DLG2: variants seen among roughly 807,000 people sequenced by gnomAD.
DLG2 encodes the protein discs large MAGUK scaffold protein 2.
In DLG2, 45 loss-of-function variants were observed where a neutral mutation model predicts 132.5. The ratio of observed to expected loss-of-function variants is 0.34; its 90% CI spans 0.27 to 0.44. The LOEUF is 0.44. Among genes scored for constraint, DLG2 ranks in the 20% least tolerant of loss-of-function variants. The pLI is 1.00. For synonymous variants in DLG2, 424 were observed against 419.6 expected (o/e 1.01, Z -0.13); for missense variants, 1,045 against 1,196.9 (o/e 0.87, Z 1.87).
intron 21 of DLG2, among the ~76,000 whole-genome samples, chr11:83,528,205 T>C (rs980538505): frequency 3.3e-5 from 5 of 152,202 alleles, no homozygotes; most frequent in African/African-American, 1.2e-4. Flanking sequence ...TGTGTAGACA[T>C]AGACTTTGTA....
rs114040932 is a variant in DLG2, at chr11:84,881,257, A to C, written c.357+230404T>G. 1.6e-3 allele frequency among the ~76,000 whole-genome samples: 237 copies of C among 152,254 alleles called. 2 individuals are homozygous for C. The highest frequency in any genetic ancestry group is 5.5e-3 in the African/African-American group (229 of 41,566). Reference sequence around the variant, plus strand: ...TATAAGATTTGGTTTTGAAAATATTACAAGATGTAACTAATTCCATGTTCT... The same window carrying C: ...TATAAGATTTGGTTTTGAAAATATTCCAAGATGTAACTAATTCCATGTTCT... On this transcript the variant is annotated intron_variant, in intron 6 of 27. Coordinates refer to ENST00000376104, the MANE Select transcript of DLG2 (RefSeq NM_001142699.3).
At chr11:84,485,225 T>C (rs2099147789) in intron 7 of DLG2, among the ~76,000 whole-genome samples, 1 of 152,158 alleles carries the variant, frequency 6.6e-6, no homozygotes, top group Non-Finnish European at 1.5e-5. Flanking sequence ...TTACCCCTTC[T>C]CTATGGTACT....
chr11:84,928,256 C>G (rs1378733043), intron 6 of DLG2, among the ~76,000 whole-genome samples: 1 of 151,810 alleles, frequency 6.6e-6, no homozygotes, highest in Non-Finnish European at 1.5e-5. Flanking sequence ...GCTCTTGGGC[C>G]TTTGAGTAAA....
chr11:84,412,220 T>TTGAAACTCTACTATGCATGTTATA (rs1470098864), intron 7 of DLG2, among the ~76,000 whole-genome samples: 9 of 150,974 alleles, frequency 6.0e-5, no homozygotes, highest in African/African-American at 2.2e-4. Context: ...TTCATAAAAA[T>TTGAAACTCTACTATGCATGTTATA]GTTCATAAAA....
At chr11:85,051,431 T>C (rs2062878621) in intron 6 of DLG2, among the ~76,000 whole-genome samples, 3 of 152,180 alleles carry the variant, frequency 2.0e-5, no homozygotes, top group South Asian at 4.1e-4. Flanking sequence ...AAAATGTAAG[T>C]TCTTTCATTA....
At chr11:83,503,732 T>G (rs1047195000) in intron 21 of DLG2, among the ~76,000 whole-genome samples, 1 of 152,020 alleles carries the variant, frequency 6.6e-6, no homozygotes, top group African/African-American at 2.4e-5. Flanking sequence ...TGGGTCTGCC[T>G]TTCCCAGCCC....
intron 10 of DLG2, among the ~76,000 whole-genome samples, chr11:84,074,143 T>G (rs1486719763): frequency 6.6e-6 from 1 of 152,210 alleles, no homozygotes; most frequent in Non-Finnish European, 1.5e-5. Flanking sequence ...TTTGTTTTCT[T>G]ATTTATTATA....
At chr11:84,194,540 A>G (rs1237547754) in intron 8 of DLG2, among the ~76,000 whole-genome samples, 2 of 152,132 alleles carry the variant, frequency 1.3e-5, no homozygotes, top group African/African-American at 4.8e-5. Flanking sequence ...TTATTCCCTT[A>G]TCTGGCCCAC....
At chr11:83,588,992 A>G (rs1488004716) in intron 19 of DLG2, among the ~76,000 whole-genome samples, 3 of 147,156 alleles carry the variant, frequency 2.0e-5, no homozygotes, top group Non-Finnish European at 4.5e-5. Flanking sequence ...GGACTATGTG[A>G]AAAGACCAAA....
chr11:83,543,210 C>G (rs1328222914), intron 19 of DLG2, among the ~76,000 whole-genome samples: 1 of 152,130 alleles, frequency 6.6e-6, no homozygotes, highest in Non-Finnish European at 1.5e-5. Context: ...GAATCATTTT[C>G]ACCTTGACCA....
In DLG2 at chr11:83,620,607, C is replaced by T. The variant is rs117019389; in HGVS notation, c.1940+12604G>A. ...AAGGACAAAGTTAAAAAAATGCATT[C>T]CTCCTGTAATCCCAGCACTTTGGAA... On this transcript the variant is annotated intron_variant, in intron 19 of 27. Transcript: ENST00000376104. 2.5e-3 allele frequency among the ~76,000 whole-genome samples: 373 copies of T among 152,138 alleles called. 8 individuals carry two copies. The East Asian group carries it at 0.062, about 25-fold the overall frequency.
intron 7 of DLG2, among the ~76,000 whole-genome samples, chr11:84,254,145 T>C (rs2097428796): frequency 6.6e-6 from 1 of 152,210 alleles, no homozygotes; most frequent in African/African-American, 2.4e-5. Flanking sequence ...GAATATCACA[T>C]GTAATTCTTG....
At chr11:83,663,295 T>C (rs536097629) in intron 18 of DLG2, among the ~76,000 whole-genome samples, 1 of 152,258 alleles carries the variant, frequency 6.6e-6, no homozygotes, top group South Asian at 2.1e-4. Flanking sequence ...TAATTCCCAA[T>C]GTGCTTTTGC....
intron 18 of DLG2, among the ~76,000 whole-genome samples, chr11:83,690,438 T>C (rs1229744771): frequency 1.3e-5 from 2 of 151,992 alleles, no homozygotes; most frequent in Admixed American, 1.3e-4. Flanking sequence ...AAGTTTAATA[T>C]AGTAGAAATG....
chr11:83,620,531 T>C (rs1001556814), intron 19 of DLG2, among the ~76,000 whole-genome samples: 4 of 152,038 alleles, frequency 2.6e-5, no homozygotes, highest in African/African-American at 9.7e-5. Flanking sequence ...GAAGAAAGCA[T>C]ACGTACACAA....
chr11:85,460,773 T>C lies in DLG2; in HGVS notation c.40+137884A>G, dbSNP rs189671946. Among the ~76,000 whole-genome samples the C allele has an allele frequency of 3.8e-3, 578 of 152,332 alleles. 4 individuals are homozygous for C. The highest frequency in any genetic ancestry group is 6.1e-3 in the Non-Finnish European group (416 of 68,022). On this transcript the variant is annotated intron_variant, in intron 3 of 27. Coordinates refer to ENST00000376104, the MANE Select transcript of DLG2 (RefSeq NM_001142699.3). ...ATTGAAGGATCCTGAAGAGAAGCTC[T>C]AGTATCTTGATCTTTGTAGAGCAAG...
chr11:85,344,473 T>G (rs561859858), intron 3 of DLG2, among the ~76,000 whole-genome samples: 1 of 152,330 alleles, frequency 6.6e-6, no homozygotes, highest in South Asian at 2.1e-4. Context: ...ATAGAATTTA[T>G]ATGATAACTA....
At position 84,168,826 on chromosome 11, in the gene DLG2, TACACAC is replaced by T. The variant is rs145846743; in HGVS notation, c.574-5321_574-5316del. Among the ~76,000 whole-genome samples the T allele has an allele frequency of 6.4e-3, 941 of 148,098 alleles. 4 individuals are homozygous for T. Among genetic ancestry groups the T allele is most frequent in the Non-Finnish European group, 0.01 (673 of 66,818 alleles). On this transcript the variant is annotated intron_variant, in intron 8 of 27. Transcript: ENST00000376104. ...CAGCAAATCAACACACACACACACA[TACACAC>T]ACACACACACACACACACAAACACA...
At chr11:85,140,655 T>G (rs1293370218) in intron 5 of DLG2, among the ~76,000 whole-genome samples, 1 of 151,778 alleles carries the variant, frequency 6.6e-6, no homozygotes, top group Non-Finnish European at 1.5e-5. Flanking sequence ...TGTTGTGTTA[T>G]CAAATACTAG....
Sources: allele counts gnomAD v4.1 joint callset (sites outside exome capture counted in the v4.1 genomes callset), GRCh38; gene constraint gnomAD v4.1.1; transcripts MANE v1.5; gene names NCBI Gene and HGNC (gene_info 2026-07-23, HGNC 2026-07-21).